Variants in SUPV3L1 observed in about 807,000 individuals in gnomAD.
SUPV3L1 encodes the protein Suv3 like RNA helicase, also known as ATP-dependent RNA helicase SUPV3L1, mitochondrial.
In SUPV3L1, 35 loss-of-function variants were observed where a neutral mutation model predicts 70.0. That is an observed-to-expected ratio of 0.50 (90% CI 0.38 to 0.66). The LOEUF is 0.66. Ranked by LOEUF, SUPV3L1 falls within the 30% of genes least tolerant of loss-of-function variation. The pLI is 0.00. For synonymous variants in SUPV3L1, 364 were observed against 341.9 expected, an observed-to-expected ratio of 1.06 and a Z score of -0.71; for missense variants, 777 against 961.5, an observed-to-expected ratio of 0.81 and a Z score of 2.54.
intron 1 of SUPV3L1, among the ~76,000 whole-genome samples, chr10:69,183,189 C>T (rs972224287): frequency 6.6e-6 from 1 of 152,180 alleles, no homozygotes; most frequent in Admixed American, 6.5e-5. Context: ...TCAGAGAAAG[C>T]CCAGTTAATG....
chr10:69,187,548 C>T, intron 3 of SUPV3L1, 94 bp from the exon 4 acceptor site: 1 of 859,132 alleles, frequency 1.2e-6, no homozygotes, highest in Non-Finnish European at 1.8e-6. Flanking sequence ...GGCAGTGCCC[C>T]CGCAACTTAG....
chr10:69,188,155 C>G (rs1172266884), intron 4 of SUPV3L1, among the ~76,000 whole-genome samples: 1 of 152,188 alleles, frequency 6.6e-6, no homozygotes, highest in African/African-American at 2.4e-5. Context: ...CTGCTCATTC[C>G]TAGACCCTGC....
At chr10:69,184,332 C>T (rs944995953) in intron 1 of SUPV3L1, among the ~76,000 whole-genome samples, 3 of 152,018 alleles carry the variant, frequency 2.0e-5, no homozygotes, top group South Asian at 2.1e-4. Flanking sequence ...AGTTCGAGAC[C>T]GGCCTGACCA....
chr10:69,198,290 C>T (rs1410664818), intron 8 of SUPV3L1, 82 bp from the exon 9 acceptor site: 8 of 1,296,084 alleles, frequency 6.2e-6, no homozygotes, highest in South Asian at 1.5e-5. Context: ...CTCTTAACTG[C>T]ATTACAATCT....
At position 69,189,343 on chromosome 10, in the gene SUPV3L1, G is replaced by T; in HGVS notation, c.649G>T (p.Ala217Ser). ...GPTNSGKTYH[A>S]IQKYFSAKSG... ...CACAAACAGTGGAAAGACTTATCAC[G>T]CAATCCAGAAATACTTCTCAGCAAA... The change falls in exon 5 of 15, where the codon GCA becomes TCA. Residue 217 changes from alanine (A) to serine (S), a missense_variant. Ala to Ser is a moderately conservative substitution (Grantham distance 99). This residue lies in a region of SUPV3L1 where 619 missense variants were observed against 823.3 expected (regional missense o/e 0.75). Transcript: ENST00000359655. 1 of 1,614,062 alleles carries T rather than the reference G, an allele frequency of 6.2e-7. No individual in the cohort carries two copies. The highest frequency in any genetic ancestry group is 8.5e-7 in the Non-Finnish European group (1 of 1,179,990).
chr10:69,194,082 T>C (rs917625744), intron 6 of SUPV3L1, among the ~76,000 whole-genome samples: 1 of 152,160 alleles, frequency 6.6e-6, no homozygotes, highest in Non-Finnish European at 1.5e-5. Flanking sequence ...GAACTTGCCT[T>C]CTTCTTTTAC....
intron 1 of SUPV3L1, 99 bp downstream of exon 1, chr10:69,180,661 C>T: frequency 3.4e-6 from 5 of 1,491,882 alleles, no homozygotes; most frequent in East Asian, 2.3e-5. Context: ...GATCCGAGGT[C>T]CCATCGAGTG....
intron 4 of SUPV3L1, among the ~76,000 whole-genome samples, chr10:69,188,196 C>G (rs1318808282): frequency 1.3e-5 from 2 of 152,164 alleles, no homozygotes; most frequent in Middle Eastern, 3.2e-3. Context: ...GTTAGCCCAG[C>G]CCTTGGCCAG....
intron 11 of SUPV3L1, 123 bp from the exon 12 acceptor site, chr10:69,202,316 G>T (rs1842705244): frequency 1.3e-5 from 8 of 601,036 alleles, no homozygotes; most frequent in Middle Eastern, 3.4e-4. Flanking sequence ...CAAATTCTTG[G>T]CATTTACTTC....
intron 6 of SUPV3L1, among the ~76,000 whole-genome samples, chr10:69,194,712 G>GT (rs1448747455): frequency 6.6e-6 from 1 of 152,120 alleles, no homozygotes. Context: ...GGAGTTTGAA[G>GT]TTACAGTGAG....
At chr10:69,194,462 C>A (rs1267689429) in intron 6 of SUPV3L1, among the ~76,000 whole-genome samples, 1 of 152,072 alleles carries the variant, frequency 6.6e-6, no homozygotes, top group Non-Finnish European at 1.5e-5. Flanking sequence ...AATGATTCTC[C>A]TGCCTCAGCC....
chr10:69,205,595 A>G (rs962041663), intron 13 of SUPV3L1, among the ~76,000 whole-genome samples: 1 of 152,192 alleles, frequency 6.6e-6, no homozygotes, highest in African/African-American at 2.4e-5. Context: ...GTGCAGTGGT[A>G]TGAGCTTGGC....
At position 69,197,073 on chromosome 10, in the gene SUPV3L1, AG is replaced by A. The variant is rs1160740055; in HGVS notation, c.1015del (p.Glu339LysfsTer20). On this transcript the variant is annotated frameshift_variant, in exon 8 of 15. Transcript: ENST00000359655. LOFTEE classifies it high-confidence loss of function. ...ATGGAGCTTATGTACACAACGGGGG[AG>A]GAAGTGGAGGTATTCGATTAGATGC... ...LVMELMYTTG[E>X]EVEVRDYKRL... 1 of 1,613,750 alleles carries A rather than the reference AG, an allele frequency of 6.2e-7. No homozygotes were observed. The highest frequency in any genetic ancestry group is 1.3e-5 in the African/African-American group (1 of 74,886).
At chr10:69,185,048 C>T (rs763311031) in intron 1 of SUPV3L1, among the ~76,000 whole-genome samples, 4 of 152,096 alleles carry the variant, frequency 2.6e-5, no homozygotes, top group Non-Finnish European at 5.9e-5. Context: ...ATGTTATCTC[C>T]CAATAGCATA....
At chr10:69,184,174 A>G (rs542389892) in intron 1 of SUPV3L1, among the ~76,000 whole-genome samples, 1 of 152,118 alleles carries the variant, frequency 6.6e-6, no homozygotes, top group South Asian at 2.1e-4. Context: ...TTTCCCAAGC[A>G]ATGATGGCAT....
At chr10:69,191,593 A>C (rs1842399103) in intron 5 of SUPV3L1, 62 bp from the exon 6 acceptor site, 2 of 1,439,768 alleles carry the variant, frequency 1.4e-6, no homozygotes, top group Non-Finnish European at 1.9e-6. Context: ...CACCCTGTTA[A>C]ATATCCAAAA....
rs1842678431 is a variant in SUPV3L1, at chr10:69,201,467, T to G, written c.1518+968T>G. Among the ~76,000 whole-genome samples, 3 of 152,262 alleles carry G rather than the reference T, an allele frequency of 2.0e-5. No homozygotes were observed. In the South Asian group the frequency reaches 6.2e-4, roughly 32 times the overall value. On this transcript the variant is annotated intron_variant, in intron 11 of 14. Coordinates refer to ENST00000359655, the MANE Select transcript of SUPV3L1 (RefSeq NM_003171.5). ...GTTAAAGTGACTGGGTTTTTCTTAT[T>G]CATTTTAATTCAATGAGGAGAAATG...
chr10:69,199,877 C>T (rs1454112125), intron 10 of SUPV3L1, among the ~76,000 whole-genome samples: 2 of 152,128 alleles, frequency 1.3e-5, no homozygotes, highest in Non-Finnish European at 2.9e-5. Context: ...CAGAGTCTCA[C>T]TCTGTGCCCC....
chr10:69,191,901 A>C, intron 6 of SUPV3L1, 135 bp downstream of exon 6: 1 of 543,516 alleles, frequency 1.8e-6, no homozygotes, highest in Non-Finnish European at 3.2e-6. Flanking sequence ...CTGCCTCCCC[A>C]GTTCAAGCGA....
Sources: gnomAD v4.1 joint callset for allele counts (sites outside exome capture counted in the v4.1 genomes callset) on GRCh38, gnomAD v4.1.1 for gene constraint, gnomAD v4.1.1 regional missense constraint, MANE v1.5 for transcripts, NCBI Gene and HGNC (gene_info 2026-07-23, HGNC 2026-07-21) for gene names.